The following SLX9 variants were observed in gnomAD, a reference collection of about 807,000 sequenced individuals.
SLX9 encodes the protein SLX9 ribosome biogenesis factor.
SLX9 carries 19 observed loss-of-function variants against 20.8 expected under a neutral mutation model. That is an observed-to-expected ratio of 0.91 (90% CI 0.64 to 1.34). The LOEUF (loss-of-function observed/expected upper bound fraction) is 1.34. SLX9 is among the 40% of genes most tolerant of loss of function. SLX9 has a pLI of 0.00. For missense variants in SLX9, 299 were observed against 322.2 expected (o/e 0.93, Z 0.55); for synonymous variants, 113 against 137.1 (o/e 0.82, Z 1.23).
chr21:44,949,437 G>A (rs368620664), intron 2 of SLX9, among the ~76,000 whole-genome samples: 2 of 152,100 alleles, frequency 1.3e-5, no homozygotes, highest in Admixed American at 6.5e-5. Context: ...ACCCTCGGCC[G>A]GGTGGACACA....
chr21:44,975,617 C>G (rs559281610), intron 5 of SLX9, among the ~76,000 whole-genome samples: 1 of 152,286 alleles, frequency 6.6e-6, no homozygotes, highest in Non-Finnish European at 1.5e-5. Flanking sequence ...CCCCTGGCCT[C>G]GGCTCCTCAG....
At chr21:44,945,035 G>A (rs1407878853) in intron 2 of SLX9, among the ~76,000 whole-genome samples, 2 of 152,238 alleles carry the variant, frequency 1.3e-5, no homozygotes, top group African/African-American at 4.8e-5. Context: ...GGCTGGGGAC[G>A]AGTGGGTTTT....
intron 1 of SLX9, 96 bp downstream of exon 1, chr21:44,940,282 C>T: frequency 8.4e-7 from 1 of 1,186,702 alleles, no homozygotes; most frequent in Non-Finnish European, 1.0e-6. Context: ...CGACCCCGGC[C>T]TTCCCTCGGG....
At chr21:44,965,236 A>C (rs762174840) in intron 3 of SLX9, among the ~76,000 whole-genome samples, 1 of 151,796 alleles carries the variant, frequency 6.6e-6, no homozygotes, top group Non-Finnish European at 1.5e-5. Context: ...GAAGAACTGC[A>C]CTCTCCCGTT....
rs2084590728 is a variant in SLX9, at chr21:44,943,711, T to A, written c.157T>A (p.Phe53Ile). ...CTGGGCGTTCATCAACACCAACATC[T>A]TTGCCAGGACCAAGATAGACCCCAG... ...KDWAFINTNI[F>I]ARTKIDPSAL... The change falls in exon 2 of 6, where the codon TTT (phenylalanine) becomes ATT (isoleucine). Residue 53 changes from phenylalanine (F) to isoleucine (I), a missense_variant. By Grantham distance (21) the Phe-to-Ile change is conservative. Transcript: ENST00000291634. 1.2e-6 allele frequency: 2 copies of A among 1,614,144 alleles called. No homozygotes were observed. Among genetic ancestry groups the A allele is most frequent in the Non-Finnish European group, 1.7e-6 (2 of 1,179,986 alleles).
At chr21:44,944,514 G>A (rs528759168) in intron 2 of SLX9, among the ~76,000 whole-genome samples, 2 of 152,340 alleles carry the variant, frequency 1.3e-5, no homozygotes, top group Admixed American at 1.3e-4. Flanking sequence ...TTGACTTTCT[G>A]GCTGGAGGAT....
At chr21:44,943,560 G>T in intron 1 of SLX9, 124 bp from the exon 2 acceptor site, 2 of 1,338,588 alleles carry the variant, frequency 1.5e-6, no homozygotes, top group South Asian at 2.7e-5. Context: ...AGGTCCTCCC[G>T]GGCAGAGAAG....
At chr21:44,955,313 G>C (rs1345345710) in intron 2 of SLX9, among the ~76,000 whole-genome samples, 7 of 151,982 alleles carry the variant, frequency 4.6e-5, no homozygotes, top group African/African-American at 1.5e-4. Context: ...TCTCCCCGCT[G>C]CCGCGGTGCT....
chr21:44,963,366 G>A (rs2084979919), intron 3 of SLX9, among the ~76,000 whole-genome samples: 1 of 134,670 alleles, frequency 7.4e-6, no homozygotes, highest in South Asian at 2.5e-4. Flanking sequence ...CGGATTACAG[G>A]CGTGAGAACT....
chr21:44,964,010 C>T (rs2084990689), intron 3 of SLX9, among the ~76,000 whole-genome samples: 1 of 152,192 alleles, frequency 6.6e-6, no homozygotes, highest in Non-Finnish European at 1.5e-5. Flanking sequence ...TTCAGAATTA[C>T]CATCTTAGCA....
intron 2 of SLX9, chr21:44,958,268 C>G (rs777563954): frequency 6.6e-6 from 1 of 152,496 alleles, no homozygotes; most frequent in Non-Finnish European, 1.5e-5. Context: ...TGGGGCGAGG[C>G]CCAGGACAGT....
chr21:44,973,293 G>T (rs760785801), intron 5 of SLX9, 28 bp downstream of exon 5: 2 of 1,608,952 alleles, frequency 1.2e-6, no homozygotes, highest in African/African-American at 2.7e-5. Context: ...CCTCCTCAGG[G>T]GTTCAGCTCC....
At position 44,943,844 on chromosome 21, in the gene SLX9, C is replaced by T. The variant is rs889359431; in HGVS notation, c.283+7C>T. On this transcript the variant is annotated splice_region_variant and intron_variant, in intron 2 of 5. Coordinates refer to ENST00000291634, the MANE Select transcript of SLX9 (RefSeq NM_058190.4). ...GTCCCTTCCATCAGGAGAGGTGAGG[C>T]AGGCTCGACGGGTTACCATGCTGAT... 11 of 1,613,950 alleles carry T rather than the reference C, an allele frequency of 6.8e-6. No homozygotes were observed. The highest frequency in any genetic ancestry group is 8.5e-6 in the Non-Finnish European group (10 of 1,179,994).
At chr21:44,944,417 TAGC>T (rs942944320) in intron 2 of SLX9, among the ~76,000 whole-genome samples, 20 of 152,234 alleles carry the variant, frequency 1.3e-4, no homozygotes, top group African/African-American at 4.1e-4. Context: ...GTCCGGAGCT[TAGC>T]AGGGAACGCC....
chr21:44,949,573 A>C (rs113706938), intron 2 of SLX9, among the ~76,000 whole-genome samples: 4,735 of 151,990 alleles, frequency 0.031, 255 homozygotes, highest in African/African-American at 0.11. Flanking sequence ...ACAGAGGCCT[A>C]CTCTTAGACG....
intron 2 of SLX9, among the ~76,000 whole-genome samples, chr21:44,951,194 G>C (rs56297608): frequency 0.077 from 11,708 of 152,162 alleles, 1,491 homozygotes; most frequent in African/African-American, 0.26. Context: ...GTTCACTCAG[G>C]TTGAGATGAA....
intron 3 of SLX9, among the ~76,000 whole-genome samples, chr21:44,963,563 T>G (rs1401404722): frequency 6.6e-6 from 1 of 152,186 alleles, no homozygotes; most frequent in Non-Finnish European, 1.5e-5. Context: ...ATTGGTTTTT[T>G]TTTTCTATCT....
At chr21:44,962,556 G>A (rs1368369933) in intron 3 of SLX9, among the ~76,000 whole-genome samples, 4 of 152,210 alleles carry the variant, frequency 2.6e-5, no homozygotes, top group African/African-American at 9.6e-5. Flanking sequence ...TACACCATTT[G>A]TTACTCACTT....
chr21:44,944,444 T>A (rs530468839), intron 2 of SLX9, among the ~76,000 whole-genome samples: 2 of 152,246 alleles, frequency 1.3e-5, no homozygotes, highest in East Asian at 3.9e-4. Context: ...CCCCTGCACC[T>A]CCTACTGAGT....
Sources: gnomAD v4.1 joint callset for allele counts (sites outside exome capture counted in the v4.1 genomes callset) on GRCh38, gnomAD v4.1.1 for gene constraint, MANE v1.5 for transcripts, NCBI Gene and HGNC (gene_info 2026-07-23, HGNC 2026-07-21) for gene names.